FUT8: variants seen among roughly 807,000 people sequenced by gnomAD.
The protein encoded by FUT8 is alpha-(1,6)-fucosyltransferase.
Under a neutral mutation model 71.3 loss-of-function variants are expected in FUT8, and 29 were observed. The ratio of observed to expected loss-of-function variants is 0.41; its 90% CI spans 0.30 to 0.55. FUT8 has a LOEUF of 0.55. Among genes scored for constraint, FUT8 ranks in the 20% least tolerant of loss-of-function variants. The probability of loss-of-function intolerance (pLI) is 0.34; values close to 1 mark genes in which losing one functional copy is unlikely to be tolerated. For synonymous variants in FUT8, 254 were observed against 239.3 expected (o/e 1.06, Z -0.57); for missense variants, 544 against 702.1 (o/e 0.77, Z 2.55).
chr14:65,470,584 C>G (rs1173914239), intron 2 of FUT8, among the ~76,000 whole-genome samples: 1 of 152,198 alleles, frequency 6.6e-6, no homozygotes, highest in Non-Finnish European at 1.5e-5. Context: ...GTTGCCCTGG[C>G]GCTTCAGTGG....
At chr14:65,731,104 C>A (rs1895959234) in intron 9 of FUT8, among the ~76,000 whole-genome samples, 1 of 152,134 alleles carries the variant, frequency 6.6e-6, no homozygotes, top group Non-Finnish European at 1.5e-5. Context: ...TATTGAACTC[C>A]TATAATATGC....
intron 8 of FUT8, 74 bp from the exon 9 acceptor site, chr14:65,724,072 TA>T: frequency 9.3e-7 from 1 of 1,079,450 alleles, no homozygotes. Flanking sequence ...CCACCATAAG[TA>T]GGGGTATAAA....
chr14:65,677,151 T>TGTGTGTGTGTGAGC, intron 7 of FUT8, among the ~76,000 whole-genome samples: 1 of 110,744 alleles, frequency 9.0e-6, no homozygotes, highest in East Asian at 2.5e-4. Context: ...TGTGTGTGTG[T>TGTGTGTGTGTGAGC]GCGCGCGCGC....
intron 1 of FUT8, among the ~76,000 whole-genome samples, chr14:65,427,994 T>C (rs1186155993): frequency 1.3e-5 from 2 of 152,212 alleles, no homozygotes; most frequent in African/African-American, 4.8e-5. Context: ...TGGGAATGAA[T>C]GGATAAAGTA....
intron 3 of FUT8, among the ~76,000 whole-genome samples, chr14:65,600,626 A>C (rs976838694): frequency 2.0e-5 from 3 of 152,186 alleles, no homozygotes; most frequent in African/African-American, 4.8e-5. Context: ...AATATGCATA[A>C]GACGATATTT....
At chr14:65,677,151 T>TGTGTGTGTGCGCGCGCGCGC in intron 7 of FUT8, among the ~76,000 whole-genome samples, 53 of 110,740 alleles carry the variant, frequency 4.8e-4, no homozygotes, top group Non-Finnish European at 7.7e-4. Flanking sequence ...TGTGTGTGTG[T>TGTGTGTGTGCGCGCGCGCGC]GCGCGCGCGC....
intron 7 of FUT8, among the ~76,000 whole-genome samples, chr14:65,717,730 C>T (rs557200168): frequency 2.0e-5 from 3 of 149,238 alleles, no homozygotes; most frequent in South Asian, 2.2e-4. Context: ...CAGGCAGAGG[C>T]GCTCCTCACC....
intron 9 of FUT8, among the ~76,000 whole-genome samples, chr14:65,726,467 T>C (rs1486209466): frequency 6.6e-6 from 1 of 152,238 alleles, no homozygotes; most frequent in Non-Finnish European, 1.5e-5. Context: ...AATTCTCACA[T>C]GGCAGCGGAC....
intron 3 of FUT8, among the ~76,000 whole-genome samples, chr14:65,569,180 A>T (rs574572414): frequency 6.6e-6 from 1 of 151,722 alleles, no homozygotes; most frequent in South Asian, 2.1e-4. Flanking sequence ...ATGAGTGCCT[A>T]GATATGGCTT....
chr14:65,634,065 C>T lies in FUT8; in HGVS notation c.597+4459C>T, dbSNP rs551860150. On this transcript the variant is annotated intron_variant, in intron 6 of 10. Transcript: ENST00000673929. Reference sequence around the variant, plus strand: ...GCCACCACCCGGTCTGGGAGGTGTACCCAACAGCTCATTGAGAACGGGCCA... The same window carrying T: ...GCCACCACCCGGTCTGGGAGGTGTATCCAACAGCTCATTGAGAACGGGCCA... Among the ~76,000 whole-genome samples the T allele has an allele frequency of 4.9e-3, 751 of 152,252 alleles. 8 individuals are homozygous for T. The highest frequency in any genetic ancestry group is 0.017 in the African/African-American group (713 of 41,542).
At chr14:65,446,178 T>C (rs1037734925) in intron 1 of FUT8, among the ~76,000 whole-genome samples, 1 of 152,240 alleles carries the variant, frequency 6.6e-6, no homozygotes, top group Admixed American at 6.5e-5. Context: ...ATCTGTCTCT[T>C]TTTCTTACAA....
At chr14:65,575,579 CCTTCTTCCTTCCT>C (rs1566830347) in intron 3 of FUT8, among the ~76,000 whole-genome samples, 45 of 37,498 alleles carry the variant, frequency 1.2e-3, no homozygotes, top group Admixed American at 5.8e-3. Flanking sequence ...TTCCTTCCTT[CCTTCTTCCTTCCT>C]TCCTTCCTTC....
intron 7 of FUT8, among the ~76,000 whole-genome samples, chr14:65,688,969 C>G (rs1893440198): frequency 6.6e-6 from 1 of 152,096 alleles, no homozygotes; most frequent in Admixed American, 6.5e-5. Context: ...GGAACTCTAC[C>G]TTCATTATCT....
At chr14:65,412,228 C>A (rs1334864467), upstream of FUT8, 1 of 456,740 alleles carries the variant, frequency 2.2e-6, no homozygotes, top group East Asian at 7.0e-5. Flanking sequence ...ATTGTAGGAT[C>A]GCGCTGGAAG....
chr14:65,534,570 G>A (rs907079388), intron 2 of FUT8, among the ~76,000 whole-genome samples: 1 of 110,364 alleles, frequency 9.1e-6, no homozygotes, highest in African/African-American at 3.1e-5. Context: ...TTTTTTGGTT[G>A]GTAGGCTATT....
intron 6 of FUT8, among the ~76,000 whole-genome samples, chr14:65,664,988 A>G (rs944054807): frequency 6.6e-6 from 1 of 152,020 alleles, no homozygotes; most frequent in African/African-American, 2.4e-5. Flanking sequence ...AAAAGAAATT[A>G]TCATGTTAGC....
chr14:65,724,089 T>G, intron 8 of FUT8, 58 bp from the exon 9 acceptor site: 2 of 1,305,962 alleles, frequency 1.5e-6, no homozygotes, highest in Non-Finnish European at 2.0e-6. Context: ...ATAAATTGAG[T>G]ACCCTCAAAG....
At chr14:65,685,427 C>G (rs573671535) in intron 7 of FUT8, among the ~76,000 whole-genome samples, 13 of 152,158 alleles carry the variant, frequency 8.5e-5, no homozygotes, top group African/African-American at 3.1e-4. Context: ...TCACTTTGGA[C>G]AGTTGTATGC....
At chr14:65,632,769 T>A (rs1890259782) in intron 6 of FUT8, among the ~76,000 whole-genome samples, 1 of 152,240 alleles carries the variant, frequency 6.6e-6, no homozygotes, top group Non-Finnish European at 1.5e-5. Flanking sequence ...GCTTTTGGGT[T>A]CTTGATTATG....
Sources: allele counts gnomAD v4.1 joint callset (sites outside exome capture counted in the v4.1 genomes callset), GRCh38; gene constraint gnomAD v4.1.1; transcripts MANE v1.5; gene names NCBI Gene and HGNC (gene_info 2026-07-23, HGNC 2026-07-21).